FREM1: variants seen among roughly 807,000 people sequenced by gnomAD.
FREM1 encodes FRAS1-related extracellular matrix protein 1.
In FREM1, 220 loss-of-function variants were observed where a neutral mutation model predicts 210.1. That is an observed-to-expected ratio of 1.05 (90% CI 0.94 to 1.17). The LOEUF (loss-of-function observed/expected upper bound fraction) is 1.17, where lower values mean the gene tolerates loss of function less well. Ranked by LOEUF, FREM1 falls within the 50% of genes most tolerant of loss-of-function variation. FREM1 has a pLI of 0.00. For synonymous variants in FREM1, 1,189 were observed against 980.2 expected (o/e 1.21, Z -3.98); for missense variants, 3,454 against 2,675.5 (o/e 1.29, Z -6.42).
At chr9:14,777,253 C>G in intron 24 of FREM1, among the ~76,000 whole-genome samples, 1 of 152,216 alleles carries the variant, frequency 6.6e-6, no homozygotes, top group East Asian at 1.9e-4. Context: ...CACATTCTAC[C>G]TACTGAAGCC....
At chr9:14,888,518 C>A (rs115114888) in intron 1 of FREM1, among the ~76,000 whole-genome samples, 1 of 152,190 alleles carries the variant, frequency 6.6e-6, no homozygotes, top group Non-Finnish European at 1.5e-5. Flanking sequence ...AAGGAAGTAG[C>A]TGCTGCTTTA....
At chr9:14,749,318 G>C (rs1296225760) in intron 30 of FREM1, among the ~76,000 whole-genome samples, 1 of 152,128 alleles carries the variant, frequency 6.6e-6, no homozygotes, top group Admixed American at 6.6e-5. Context: ...AAGGTAGTGG[G>C]GAGAGATGTT....
chr9:14,846,230 A>T (rs1588331694), intron 7 of FREM1, 139 bp from the exon 8 acceptor site: 2 of 620,600 alleles, frequency 3.2e-6, no homozygotes, highest in Middle Eastern at 4.8e-4. Flanking sequence ...GAAACTGGAA[A>T]CCATCATCCT....
At chr9:14,745,076 A>G (rs1414466872) in intron 35 of FREM1, among the ~76,000 whole-genome samples, 1 of 152,188 alleles carries the variant, frequency 6.6e-6, no homozygotes, top group Non-Finnish European at 1.5e-5. Flanking sequence ...GAACACATGG[A>G]CACATAGAGG....
intron 1 of FREM1, among the ~76,000 whole-genome samples, chr9:14,896,570 C>T (rs1156342425): frequency 1.4e-5 from 2 of 144,048 alleles, no homozygotes; most frequent in East Asian, 2.0e-4. Context: ...AAAAAAGAAG[C>T]ATGAATAATC....
intron 1 of FREM1, among the ~76,000 whole-genome samples, chr9:14,887,133 G>C (rs577741504): frequency 1.2e-4 from 18 of 152,282 alleles, no homozygotes; most frequent in South Asian, 4.1e-4. Context: ...AATCAGAACT[G>C]TGTCCTCAGG....
At chr9:14,806,122 T>G (rs1018880640) in intron 18 of FREM1, among the ~76,000 whole-genome samples, 38 of 152,328 alleles carry the variant, frequency 2.5e-4, no homozygotes, top group Non-Finnish European at 5.9e-5. Context: ...TAAGTAAAAT[T>G]CCATTTATTT....
intron 22 of FREM1, among the ~76,000 whole-genome samples, chr9:14,790,163 C>G (rs1587990120): frequency 6.6e-6 from 1 of 152,162 alleles, no homozygotes; most frequent in Non-Finnish European, 1.5e-5. Context: ...GATGAAGACA[C>G]TGACCTTTCA....
intron 1 of FREM1, among the ~76,000 whole-genome samples, chr9:14,899,371 T>C (rs1268530289): frequency 3.3e-5 from 5 of 152,200 alleles, no homozygotes; most frequent in Admixed American, 2.6e-4. Context: ...ATCTGCTCAC[T>C]TTGGCAGAAT....
chr9:14,853,126 C>A (rs945458963), intron 5 of FREM1, among the ~76,000 whole-genome samples: 1 of 152,192 alleles, frequency 6.6e-6, no homozygotes, highest in South Asian at 2.1e-4. Flanking sequence ...TCTCCTGTCC[C>A]TTAAAATGTG....
At position 14,904,077 on chromosome 9, in the gene FREM1, G is replaced by A. The variant is rs527692521; in HGVS notation, c.-268+5837C>T. On this transcript the variant is annotated intron_variant, in intron 1 of 36. Coordinates refer to ENST00000380880, the MANE Select transcript of FREM1 (RefSeq NM_001379081.2). ...GCGGAGCTTGCAGTGAGCCAAGATCGCGCCTCCAGCCTGGGTGACAGAGCA... is the reference window on the plus strand; with the variant it reads ...GCGGAGCTTGCAGTGAGCCAAGATCACGCCTCCAGCCTGGGTGACAGAGCA... 1.4e-3 allele frequency among the ~76,000 whole-genome samples: 190 copies of A among 135,482 alleles called. 3 individuals carry two copies. The highest frequency in any genetic ancestry group is 9.7e-3 in the South Asian group (41 of 4,228). The allele number at this position is 135,482 out of a possible 152,430, so 88.9% of individuals were successfully genotyped here. A position where few individuals can be genotyped will look rare whatever the true frequency, so the allele number is the denominator to read the frequency against.
chr9:14,774,511 A>ATCTCTCTCTCTCTCTCTCTCTC (rs36211636), intron 25 of FREM1, among the ~76,000 whole-genome samples: 1 of 136,258 alleles, frequency 7.3e-6, no homozygotes, highest in Non-Finnish European at 1.5e-5. Flanking sequence ...CCTAAAATAA[A>ATCTCTCTCTCTCTCTCTCTCTC]TCTCTCTCTC....
chr9:14,818,022 C>T (rs1205298149), intron 14 of FREM1, among the ~76,000 whole-genome samples: 1 of 152,148 alleles, frequency 6.6e-6, no homozygotes, highest in African/African-American at 2.4e-5. Flanking sequence ...AAATCTGACC[C>T]CTCCATATAC....
rs1303385360 is a variant in FREM1, at chr9:14,748,633, C to A, written c.5564G>T (p.Cys1855Phe). Residue 1855 changes from cysteine to phenylalanine, a missense_variant, in exon 31 of 37, where the codon TGC (cysteine) becomes TTC (phenylalanine). Physicochemically the swap from Cys to Phe is radical, Grantham distance 205. Coordinates refer to ENST00000380880, the MANE Select transcript of FREM1 (RefSeq NM_001379081.2). ...VKILDSKGGQ[C>F]HPSYSSNQSK... is the part of the protein sequence containing the mutation. ...TTGGTTGGAGGAATATGAAGGATGG[C>A]ATTGTCCTGGAGGCATGCAAGATGG... 6.2e-7 allele frequency: 1 copy of A among 1,610,914 alleles called. No individual in the cohort carries two copies. The highest frequency in any genetic ancestry group is 8.5e-7 in the Non-Finnish European group (1 of 1,177,762).
chr9:14,801,627 T>G, intron 20 of FREM1, 25 bp downstream of exon 20: 1 of 1,459,652 alleles, frequency 6.9e-7, no homozygotes, highest in African/African-American at 1.4e-5. Context: ...CAATAACAAA[T>G]GCATGGAAGT....
Position 14,808,095 on chromosome 9 carries a change from G to T in FREM1, c.2933C>A (p.Thr978Lys). Reference protein sequence around the residue: ...IGLMPCFDTITLVVSDGEAGP... With the variant: ...IGLMPCFDTIKLVVSDGEAGP... ...AGCCTCTCCATCCGAAACCACCAAT[G>T]TAATGGTGTCAAAACAAGGCATCAG... Residue 978 changes from threonine to lysine, a missense_variant, in exon 17 of 37, where the codon ACA becomes AAA. Coordinates refer to ENST00000380880, the MANE Select transcript of FREM1 (RefSeq NM_001379081.2). 1 of 1,612,616 alleles carries T rather than the reference G, an allele frequency of 6.2e-7. No homozygotes were observed. The highest frequency in any genetic ancestry group is 1.1e-5 in the South Asian group (1 of 90,756).
chr9:14,754,471 G>A (rs528610842), intron 29 of FREM1, among the ~76,000 whole-genome samples: 2 of 152,314 alleles, frequency 1.3e-5, no homozygotes, highest in Admixed American at 1.3e-4. Context: ...CGAAGTGAAG[G>A]TTCACTGTTA....
At chr9:14,906,942 G>A (rs1242354875) in intron 1 of FREM1, among the ~76,000 whole-genome samples, 4 of 152,184 alleles carry the variant, frequency 2.6e-5, no homozygotes, top group African/African-American at 9.7e-5. Context: ...AGTGAAAAGT[G>A]ACATGCAATC....
At chr9:14,793,810 C>T (rs745580927) in intron 21 of FREM1, among the ~76,000 whole-genome samples, 1 of 152,202 alleles carries the variant, frequency 6.6e-6, no homozygotes, top group Non-Finnish European at 1.5e-5. Flanking sequence ...ATGCCAAAAC[C>T]TGAACACCTC....
Sources: gnomAD v4.1 joint callset for allele counts (sites outside exome capture counted in the v4.1 genomes callset) on GRCh38, gnomAD v4.1.1 for gene constraint, MANE v1.5 for transcripts, NCBI Gene and HGNC (gene_info 2026-07-23, HGNC 2026-07-21) for gene names.